DLGAP2: variants seen among roughly 807,000 people sequenced by gnomAD.
DLGAP2 encodes the protein DLG associated protein 2, also known as disks large-associated protein 2.
Under a neutral mutation model 100.3 loss-of-function variants are expected in DLGAP2, and 26 were observed. The observed-to-expected ratio is 0.26, with a 90% CI of 0.19 to 0.36. DLGAP2 has a LOEUF of 0.36. Ranked by LOEUF, DLGAP2 falls within the 10% of genes least tolerant of loss-of-function variation. The probability of loss-of-function intolerance (pLI) is 1.00; values close to 1 mark genes in which losing one functional copy is unlikely to be tolerated. For synonymous variants in DLGAP2, 886 were observed against 630.1 expected, an observed-to-expected ratio of 1.41 and a Z score of -6.08; for missense variants, 1,858 against 1,453.2, an observed-to-expected ratio of 1.28 and a Z score of -4.53.
chr8:876,812 T>G (rs769992957), intron 1 of DLGAP2, among the ~76,000 whole-genome samples: 20 of 152,212 alleles, frequency 1.3e-4, no homozygotes, highest in Non-Finnish European at 2.8e-4. Context: ...GCTCCTTCAG[T>G]TGTCTCTGTC....
At chr8:1,527,082 A>G (rs1800820131) in intron 4 of DLGAP2, among the ~76,000 whole-genome samples, 2 of 152,008 alleles carry the variant, frequency 1.3e-5, no homozygotes, top group South Asian at 4.2e-4. Flanking sequence ...GTGCCATCAC[A>G]AGCCCACCCG....
rs529206541 is a variant in DLGAP2, at chr8:1,205,921, G to A, written c.74-52930G>A. Among the ~76,000 whole-genome samples the A allele has an allele frequency of 6.4e-4, 98 of 152,278 alleles. 1 individual carries two copies. The highest frequency in any genetic ancestry group is 2.2e-3 in the African/African-American group (93 of 41,576). On this transcript the variant is annotated intron_variant, in intron 2 of 14. Transcript: ENST00000637795. Reference sequence around the variant, plus strand: ...TGATCGCAGCTACCTGGGATGCTGAGGCAGGAGGATCACTTGAGCCCAGGA... The same window carrying A: ...TGATCGCAGCTACCTGGGATGCTGAAGCAGGAGGATCACTTGAGCCCAGGA...
At chr8:875,570 T>C (rs1348405086) in intron 1 of DLGAP2, among the ~76,000 whole-genome samples, 2 of 152,196 alleles carry the variant, frequency 1.3e-5, no homozygotes, top group Non-Finnish European at 2.9e-5. Flanking sequence ...GATTGTAAGT[T>C]TCCTTGGGCC....
chr8:1,405,387 G>A (rs1423757856), intron 3 of DLGAP2, among the ~76,000 whole-genome samples: 1 of 18,146 alleles, frequency 5.5e-5, no homozygotes. Context: ...CCCCCTCCTC[G>A]TCCTCCAGAG....
chr8:1,294,543 C>T (rs554434369), intron 3 of DLGAP2, among the ~76,000 whole-genome samples: 6 of 152,260 alleles, frequency 3.9e-5, no homozygotes, highest in East Asian at 3.9e-4. Flanking sequence ...CTCTTTACAG[C>T]GAGGATGGTG....
chr8:1,062,570 A>C (rs1315464099), intron 2 of DLGAP2, among the ~76,000 whole-genome samples: 1 of 152,202 alleles, frequency 6.6e-6, no homozygotes, highest in African/African-American at 2.4e-5. Context: ...GGTAGACAGT[A>C]GCCAGCTGGT....
At chr8:982,037 G>C (rs1051508444) in intron 2 of DLGAP2, among the ~76,000 whole-genome samples, 1 of 152,170 alleles carries the variant, frequency 6.6e-6, no homozygotes, top group Non-Finnish European at 1.5e-5. Context: ...CTTTAAACTT[G>C]CTTTGCTCCT....
intron 3 of DLGAP2, among the ~76,000 whole-genome samples, chr8:1,311,588 G>T (rs567600165): frequency 6.6e-6 from 1 of 152,190 alleles, no homozygotes; most frequent in East Asian, 1.9e-4. Flanking sequence ...GTCATCAGGT[G>T]GGATTTATTC....
Position 1,548,694 on chromosome 8 carries a change from A to C in DLGAP2, c.241A>C (p.Met81Leu). 3.1e-6 allele frequency: 5 copies of C among 1,606,952 alleles called. No individual in the cohort carries two copies. The highest frequency in any genetic ancestry group is 3.4e-6 in the Non-Finnish European group (4 of 1,177,922). The change falls in exon 5 of 15, where the codon ATG becomes CTG. Residue 81 changes from methionine to leucine, a missense_variant. Physicochemically the swap from Met to Leu is conservative, Grantham distance 15 (BLOSUM62 2). Transcript: ENST00000637795. Reference sequence around the variant, plus strand: ...GCGCTACTCGCCCGCGCCCAGGAGCATGAAGGGCCTTTCCGGAAGTCGGAC... The same window carrying C: ...GCGCTACTCGCCCGCGCCCAGGAGCCTGAAGGGCCTTTCCGGAAGTCGGAC... ...EERYSPAPRS[M>L]KGLSGSRTQP...
rs1563158835 is a variant in DLGAP2, at chr8:1,039,624, GCGTGGT to G, written c.73+131660_73+131665del. Among the ~76,000 whole-genome samples the G allele has an allele frequency of 8.8e-3, 482 of 54,614 alleles. 81 individuals are homozygous for G. Among genetic ancestry groups the G allele is most frequent in the Admixed American group, 0.029 (151 of 5,152 alleles). The allele number at this position is 54,614 out of a possible 152,430, so 35.8% of individuals were successfully genotyped here. A position where few individuals can be genotyped will look rare whatever the true frequency, so the allele number is the denominator to read the frequency against. On this transcript the variant is annotated intron_variant, in intron 2 of 14. Coordinates refer to ENST00000637795, the MANE Select transcript of DLGAP2 (RefSeq NM_001346810.2). Reference sequence around the variant, plus strand: ...TTGGTGTGCGTGGTCAGCTCGGTGTGCGTGGTCAGCTCGGTGTGCGTGGTCAGCTCG... The same window carrying G: ...TTGGTGTGCGTGGTCAGCTCGGTGTGCAGCTCGGTGTGCGTGGTCAGCTCG...
At chr8:836,646 C>T (rs977115334) in intron 1 of DLGAP2, among the ~76,000 whole-genome samples, 1 of 152,202 alleles carries the variant, frequency 6.6e-6, no homozygotes, top group African/African-American at 2.4e-5. Flanking sequence ...GGTGCTCCTA[C>T]TTCCGTTTCC....
chr8:998,399 C>T (rs939392861), intron 2 of DLGAP2, among the ~76,000 whole-genome samples: 2 of 152,108 alleles, frequency 1.3e-5, no homozygotes, highest in African/African-American at 4.8e-5. Context: ...CTCCTGGGCT[C>T]AAGCTATCCT....
At chr8:1,656,640 C>G (rs1461618440) in intron 8 of DLGAP2, among the ~76,000 whole-genome samples, 1 of 152,192 alleles carries the variant, frequency 6.6e-6, no homozygotes, top group Non-Finnish European at 1.5e-5. Context: ...CCCATTTATT[C>G]AGCTCTAACA....
At chr8:1,653,100 TGAA>T (rs1798204041) in intron 8 of DLGAP2, among the ~76,000 whole-genome samples, 1 of 152,202 alleles carries the variant, frequency 6.6e-6, no homozygotes, top group African/African-American at 2.4e-5. Flanking sequence ...ACGATTAGGA[TGAA>T]GAAGGAGTGC....
At chr8:1,112,535 C>T (rs565635582) in intron 2 of DLGAP2, among the ~76,000 whole-genome samples, 57 of 152,132 alleles carry the variant, frequency 3.7e-4, no homozygotes, top group Admixed American at 6.5e-4. Context: ...CCACCGCGCC[C>T]GGGCGTCCTT....
At chr8:1,348,894 A>G (rs1801636670) in intron 3 of DLGAP2, among the ~76,000 whole-genome samples, 1 of 152,196 alleles carries the variant, frequency 6.6e-6, no homozygotes, top group African/African-American at 2.4e-5. Flanking sequence ...ATCTTGTGGC[A>G]TCATCTCAGG....
At position 1,039,545 on chromosome 8, in the gene DLGAP2, T is replaced by TCGG. The variant is rs1802243590; in HGVS notation, c.73+131579_73+131580insCGG. Reference sequence around the variant, plus strand: ...GTTCAGCTCGGTGTGCGTGGTCAGCTTGGTGTGCGTGGTCAGCTTGGTGTG... The same window carrying TCGG: ...GTTCAGCTCGGTGTGCGTGGTCAGCTCGGTGGTGTGCGTGGTCAGCTTGGTGTG... On this transcript the variant is annotated intron_variant, in intron 2 of 14. Coordinates refer to ENST00000637795, the MANE Select transcript of DLGAP2 (RefSeq NM_001346810.2). Among the ~76,000 whole-genome samples, 10 of 116,068 alleles carry TCGG rather than the reference T, an allele frequency of 8.6e-5. 1 individual carries two copies. The highest frequency in any genetic ancestry group is 3.0e-4 in the South Asian group (1 of 3,384). The allele number at this position is 116,068 out of a possible 152,430, so 76.1% of individuals were successfully genotyped here.
At chr8:1,073,446 T>A (rs564971186) in intron 2 of DLGAP2, among the ~76,000 whole-genome samples, 1 of 152,326 alleles carries the variant, frequency 6.6e-6, no homozygotes, top group East Asian at 1.9e-4. Context: ...GCCTTGGAAA[T>A]ACAGACATGG....
chr8:1,365,989 C>G (rs77375713), intron 3 of DLGAP2, among the ~76,000 whole-genome samples: 6,717 of 152,320 alleles, frequency 0.044, 390 homozygotes, highest in East Asian at 0.23. Context: ...CCTTGGGAAA[C>G]CTCCCCTCAC....
Sources: gnomAD v4.1 joint callset for allele counts (sites outside exome capture counted in the v4.1 genomes callset) on GRCh38, gnomAD v4.1.1 for gene constraint, MANE v1.5 for transcripts, NCBI Gene and HGNC (gene_info 2026-07-23, HGNC 2026-07-21) for gene names.